CCDC88C: variants seen among roughly 807,000 people sequenced by gnomAD.
CCDC88C encodes protein Daple.
In CCDC88C, 131 loss-of-function variants were observed where a neutral mutation model predicts 198.8. The observed-to-expected ratio is 0.66, with a 90% confidence interval of 0.57 to 0.76. The LOEUF (loss-of-function observed/expected upper bound fraction) is 0.76, where lower values mean the gene tolerates loss of function less well. Among genes scored for constraint, CCDC88C ranks in the 30% least tolerant of loss-of-function variants. The pLI is 0.00. For missense variants in CCDC88C, 2,553 were observed against 2,631.6 expected (o/e 0.97, Z 0.65); for synonymous variants, 1,166 against 1,114.7 (o/e 1.05, Z -0.92).
chr14:91,309,771 T>G, intron 16 of CCDC88C, 88 bp downstream of exon 16: 7 of 1,415,128 alleles, frequency 4.9e-6, no homozygotes, highest in Non-Finnish European at 5.8e-6. Context: ...AGAGAGTTCA[T>G]GGAGGTCTCA....
intron 25 of CCDC88C, among the ~76,000 whole-genome samples, chr14:91,286,607 A>C (rs1342660464): frequency 1.3e-5 from 2 of 152,212 alleles, no homozygotes; most frequent in Admixed American, 1.3e-4. Flanking sequence ...CAGGATTTCC[A>C]TTATTTCTTC....
At position 91,324,919 on chromosome 14, in the gene CCDC88C, C is replaced by T. The variant is rs997038753; in HGVS notation, c.1202G>A (p.Arg401Gln). The change falls in exon 12 of 30, where the codon CGG becomes CAG. Residue 401 changes from arginine to glutamine, a missense_variant. Arg to Gln is a conservative substitution (Grantham distance 43). This residue lies in a region of CCDC88C where 1,260 missense variants were observed against 1,412.0 expected (regional missense o/e 0.89). Coordinates refer to ENST00000389857, the MANE Select transcript of CCDC88C (RefSeq NM_001080414.4). ...CTCAATTCGTTTCTTATCTGTGTCC[C>T]GGTCCTGGGGCAAGCAAGAAGAGGC... ...KSKLHDLELDRDTDKKRIEEL... is the reference protein window; with the variant it reads ...KSKLHDLELDQDTDKKRIEEL... The T allele has an allele frequency of 8.7e-6, 14 of 1,613,444 alleles. No homozygotes were observed. The highest frequency in any genetic ancestry group is 6.7e-5 in the Admixed American group (4 of 59,992).
chr14:91,273,154 G>A lies in CCDC88C; in HGVS notation c.5558C>T (p.Ser1853Phe). The A allele has an allele frequency of 6.3e-7, 1 of 1,581,304 alleles. No individual in the cohort carries two copies. Reference sequence around the variant, plus strand: ...GGTCCGCTCCCGGGCCAGGCTATGGGAGCTGGGGGGTGCGGGGCTTTGCAG... The same window carrying A: ...GGTCCGCTCCCGGGCCAGGCTATGGAAGCTGGGGGGTGCGGGGCTTTGCAG... ...HTLQSPAPPS[S>F]HSLARERTPL... The change falls in exon 30 of 30, where the codon TCC becomes TTC. Residue 1853 changes from serine to phenylalanine, a missense_variant. By Grantham distance (155) the Ser-to-Phe change is radical (BLOSUM62 -2). This residue lies in a region of CCDC88C where 1,293 missense variants were observed against 1,219.6 expected (regional missense o/e 1.06). Transcript: ENST00000389857. This position sits in a 1 kb window ranked among gnomAD's most constrained non-coding sequence, Gnocchi z 5.6.
At chr14:91,380,703 A>G (rs982349283) in intron 3 of CCDC88C, among the ~76,000 whole-genome samples, 1 of 151,648 alleles carries the variant, frequency 6.6e-6, no homozygotes. Flanking sequence ...TTTTTCCCCT[A>G]TGTGCCTCTT....
intron 3 of CCDC88C, among the ~76,000 whole-genome samples, chr14:91,396,634 C>T (rs113574024): frequency 1.3e-3 from 191 of 152,254 alleles, no homozygotes; most frequent in African/African-American, 4.4e-3. Context: ...ATAATTTTTC[C>T]GGAAGCACAA....
Position 91,301,142 on chromosome 14 carries a change from A to ATGCTG in CCDC88C, c.3636-1073_3636-1072insCAGCA, listed in dbSNP as rs567217791. Among the ~76,000 whole-genome samples, 291 of 152,354 alleles carry ATGCTG rather than the reference A, an allele frequency of 1.9e-3. 1 individual carries two copies. The highest frequency in any genetic ancestry group is 6.7e-3 in the African/African-American group (279 of 41,584). On this transcript the variant is annotated intron_variant, in intron 20 of 29. Coordinates refer to ENST00000389857, the MANE Select transcript of CCDC88C (RefSeq NM_001080414.4). ...TCACCACTGAATCCCCGTGTGAGGA[A>ATGCTG]TGACACGTAGTGAATGCTTGTTAGA...
chr14:91,371,683 G>A lies in CCDC88C; in HGVS notation c.271-11972C>T, dbSNP rs1053327355. Among the ~76,000 whole-genome samples the A allele has an allele frequency of 3.3e-5, 5 of 152,114 alleles. No individual in the cohort carries two copies. The highest frequency in any genetic ancestry group is 3.3e-4 in the Admixed American group (5 of 15,280). ...GCTCAGCAGAAGCAAGGCCTTCCTC[G>A]TCCCAGCAAGTAGCTGGGCTGGGGG... On this transcript the variant is annotated intron_variant, in intron 3 of 29. Transcript: ENST00000389857. This position sits in a 1 kb window ranked among gnomAD's most constrained non-coding sequence, Gnocchi z 4.2.
intron 18 of CCDC88C, among the ~76,000 whole-genome samples, chr14:91,306,721 C>T (rs1311750959): frequency 6.6e-6 from 1 of 152,228 alleles, no homozygotes; most frequent in Non-Finnish European, 1.5e-5. Flanking sequence ...GCATGACTGT[C>T]TGCTAATAAA....
In CCDC88C at chr14:91,371,604, G is replaced by C. The variant is rs1188669604; in HGVS notation, c.271-11893C>G. On this transcript the variant is annotated intron_variant, in intron 3 of 29. Coordinates refer to ENST00000389857, the MANE Select transcript of CCDC88C (RefSeq NM_001080414.4). The surrounding 1 kb of genome is among the most constrained non-coding windows in gnomAD (Gnocchi z 4.2). ...CTCCCACACCCTCCAGTCAGGGGTGGCTCTAGCTGATTTCCTGGGCAGGCA... is the reference window on the plus strand; with the variant it reads ...CTCCCACACCCTCCAGTCAGGGGTGCCTCTAGCTGATTTCCTGGGCAGGCA... Among the ~76,000 whole-genome samples the C allele has an allele frequency of 6.6e-6, 1 of 152,138 alleles. No individual in the cohort carries two copies. Among genetic ancestry groups the C allele is most frequent in the African/African-American group, 2.4e-5 (1 of 41,422 alleles).
chr14:91,349,291 G>A (rs1279864564), intron 4 of CCDC88C, among the ~76,000 whole-genome samples: 1 of 152,208 alleles, frequency 6.6e-6, no homozygotes, highest in African/African-American at 2.4e-5. Context: ...GACTCTAAAG[G>A]GAATAACCTT....
In CCDC88C at chr14:91,288,170, T is replaced by G. The variant is rs1221869590; in HGVS notation, c.4441+935A>C. Among the ~76,000 whole-genome samples, 3 of 152,260 alleles carry G rather than the reference T, an allele frequency of 2.0e-5. No homozygotes were observed. Among genetic ancestry groups the G allele is most frequent in the Non-Finnish European group, 4.4e-5 (3 of 68,042 alleles). ...TTCGAAGTGGTGGCCCTGTACCGTT[T>G]GATTGCCTCGTGGTATATAAAGTAA... On this transcript the variant is annotated intron_variant, in intron 25 of 29. Coordinates refer to ENST00000389857, the MANE Select transcript of CCDC88C (RefSeq NM_001080414.4). The surrounding 1 kb of genome is among the most constrained non-coding windows in gnomAD (Gnocchi z 4.2).
At chr14:91,386,746 C>G (rs994874105) in intron 3 of CCDC88C, among the ~76,000 whole-genome samples, 1 of 152,224 alleles carries the variant, frequency 6.6e-6, no homozygotes, top group Non-Finnish European at 1.5e-5. Flanking sequence ...TGGATTCCAT[C>G]TTAGAGGCCA....
Position 91,294,274 on chromosome 14 carries a change from G to T in CCDC88C, c.4011C>A (p.His1337Gln). 1.9e-6 allele frequency: 3 copies of T among 1,614,034 alleles called. No individual in the cohort carries two copies. Among genetic ancestry groups the T allele is most frequent in the Non-Finnish European group, 2.5e-6 (3 of 1,179,892 alleles). ...TCAACAGCTGGATCTGGCTCAGGAG[G>T]TGATGATTTTCTTCCTCCAAGTTCC... ...LKGNLEEENHHLLSQIQLLSQ... is the reference protein window; with the variant it reads ...LKGNLEEENHQLLSQIQLLSQ... The change falls in exon 23 of 30, where the codon CAC becomes CAA. Residue 1337 changes from histidine (H) to glutamine (Q), a missense_variant. By Grantham distance (24) the His-to-Gln change is conservative (BLOSUM62 0). Coordinates refer to ENST00000389857, the MANE Select transcript of CCDC88C (RefSeq NM_001080414.4).
intron 4 of CCDC88C, among the ~76,000 whole-genome samples, chr14:91,350,102 T>C (rs1893719224): frequency 6.6e-6 from 1 of 152,054 alleles, no homozygotes; most frequent in South Asian, 2.1e-4. Context: ...ATAATGTGTA[T>C]AGTCCTTTTT....
chr14:91,290,653 G>T (rs1465858711), intron 24 of CCDC88C, among the ~76,000 whole-genome samples: 1 of 152,216 alleles, frequency 6.6e-6, no homozygotes, highest in Non-Finnish European at 1.5e-5. Flanking sequence ...TAGGAACATG[G>T]GTGTCCAGGT....
intron 4 of CCDC88C, among the ~76,000 whole-genome samples, chr14:91,355,865 T>G (rs1724743999): frequency 6.6e-6 from 1 of 152,086 alleles, no homozygotes; most frequent in South Asian, 2.1e-4. Flanking sequence ...TGGGGAACAG[T>G]GGGTGGACCA....
chr14:91,397,766 C>A (rs1045160159), intron 3 of CCDC88C, among the ~76,000 whole-genome samples: 1 of 152,242 alleles, frequency 6.6e-6, no homozygotes, highest in African/African-American at 2.4e-5. Context: ...GCCCACACTC[C>A]CAGCTGGGGG....
chr14:91,380,073 T>C (rs914745825), intron 3 of CCDC88C, among the ~76,000 whole-genome samples: 2 of 152,158 alleles, frequency 1.3e-5, no homozygotes, highest in Non-Finnish European at 1.5e-5. Flanking sequence ...CGGAGCAGGG[T>C]CCTGAGACAG....
Position 91,272,300 on chromosome 14 carries a change from G to A in CCDC88C, c.*325C>T. ...ACATTGCAAATGAGTGTTCTACTGGGACATACTGGAGTAGTGTCTGCTTTG... is the reference window on the plus strand; with the variant it reads ...ACATTGCAAATGAGTGTTCTACTGGAACATACTGGAGTAGTGTCTGCTTTG... On this transcript the variant is annotated 3_prime_UTR_variant, in exon 30 of 30. Coordinates refer to ENST00000389857, the MANE Select transcript of CCDC88C (RefSeq NM_001080414.4). 1 of 341,562 alleles carries A rather than the reference G, an allele frequency of 2.9e-6. No individual in the cohort carries two copies. Among genetic ancestry groups the A allele is most frequent in the Non-Finnish European group, 5.4e-6 (1 of 183,870 alleles). The allele number at this position is 341,562 out of a possible 1,614,324, so 21.2% of individuals were successfully genotyped here.
Sources: gnomAD v4.1 joint callset for allele counts (sites outside exome capture counted in the v4.1 genomes callset) on GRCh38, gnomAD v4.1.1 for gene constraint, gnomAD v4.1.1 regional missense constraint, Gnocchi (gnomAD v3.1) non-coding constraint, MANE v1.5 for transcripts, NCBI Gene and HGNC (gene_info 2026-07-23, HGNC 2026-07-21) for gene names.